The following SHISA6 variants were observed in gnomAD, a reference collection of about 807,000 sequenced individuals.
SHISA6 encodes shisa family member 6, also known as protein shisa-6.
SHISA6 carries 22 observed loss-of-function variants against 47.9 expected under a neutral mutation model. The ratio of observed to expected loss-of-function variants is 0.46; its 90% CI spans 0.33 to 0.66. The LOEUF is 0.66. SHISA6 is among the 30% of genes least tolerant of loss of function. The pLI is 0.02. For missense variants in SHISA6, 680 were observed against 764.6 expected, an observed-to-expected ratio of 0.89 and a Z score of 1.30; for synonymous variants, 388 against 337.8, an observed-to-expected ratio of 1.15 and a Z score of -1.63.
intron 3 of SHISA6, among the ~76,000 whole-genome samples, chr17:11,492,653 C>A (rs2071374304): frequency 6.6e-6 from 1 of 152,150 alleles, no homozygotes; most frequent in African/African-American, 2.4e-5. Flanking sequence ...CTACCCCTTC[C>A]TCCTTGCACG....
In SHISA6 at chr17:11,563,008, T is replaced by C. The variant is rs2072059616; in HGVS notation, c.*4704T>C. ...TTGTAAAGACACACCTAAACCATCC[T>C]AAGTGACTGTGGAATTCTGGGGAAT... is the stretch of plus-strand genomic sequence containing the variant. On this transcript the variant is annotated 3_prime_UTR_variant, in exon 6 of 6. Transcript: ENST00000441885. 1 of 150,520 alleles carries C rather than the reference T, an allele frequency of 6.6e-6. No individual in the cohort carries two copies. The highest frequency in any genetic ancestry group is 1.5e-5 in the Non-Finnish European group (1 of 68,074). 9.3% of individuals were successfully genotyped at this position (150,520 alleles called of 1,614,324 possible). A position where few individuals can be genotyped will look rare whatever the true frequency, so the allele number is the denominator to read the frequency against.
chr17:11,387,327 G>A (rs896482931), intron 3 of SHISA6, among the ~76,000 whole-genome samples: 13 of 152,180 alleles, frequency 8.5e-5, no homozygotes, highest in African/African-American at 2.9e-4. Context: ...AGGGGTGAGT[G>A]CATTGGAGCA....
At chr17:11,412,836 T>C (rs1914169368) in intron 3 of SHISA6, among the ~76,000 whole-genome samples, 1 of 152,182 alleles carries the variant, frequency 6.6e-6, no homozygotes, top group African/African-American at 2.4e-5. Context: ...TTCTTTCCTT[T>C]ACATGCTGGC....
chr17:11,303,775 A>C (rs78889640), intron 2 of SHISA6, among the ~76,000 whole-genome samples: 2,187 of 152,300 alleles, frequency 0.014, 50 homozygotes, highest in African/African-American at 0.05. Flanking sequence ...AAAGGTCATA[A>C]TAAAAGCTCG....
chr17:11,453,567 C>T (rs904407938), intron 3 of SHISA6, among the ~76,000 whole-genome samples: 2 of 152,326 alleles, frequency 1.3e-5, no homozygotes, highest in East Asian at 3.9e-4. Flanking sequence ...TTACCCATCA[C>T]AGAAAGTAGC....
chr17:11,413,574 CGGTTCTTCTCTCATGTGGCTATGCTT>C (rs1326378554), intron 3 of SHISA6, among the ~76,000 whole-genome samples: 3 of 152,244 alleles, frequency 2.0e-5, no homozygotes, highest in South Asian at 4.2e-4. Flanking sequence ...CTCAGCTGGC[CGGTTCTTCTCTCATGTGGCTATGCTT>C]GGTTCTTGGA....
At chr17:11,291,409 G>A (rs956161354) in intron 2 of SHISA6, among the ~76,000 whole-genome samples, 1 of 152,034 alleles carries the variant, frequency 6.6e-6, no homozygotes, top group African/African-American at 2.4e-5. Flanking sequence ...GCTGAGGCGG[G>A]CAGATCATGA....
At chr17:11,291,646 A>ACAT (rs1401295981) in intron 2 of SHISA6, among the ~76,000 whole-genome samples, 1 of 151,908 alleles carries the variant, frequency 6.6e-6, no homozygotes, top group African/African-American at 2.4e-5. Context: ...AACAACAACA[A>ACAT]CAACAACAAC....
intron 3 of SHISA6, among the ~76,000 whole-genome samples, chr17:11,517,894 C>G (rs868439085): frequency 2.1e-4 from 32 of 152,202 alleles, no homozygotes; most frequent in Middle Eastern, 3.4e-3. Context: ...CATCAATGGC[C>G]ACTCATTTGT....
intron 1 of SHISA6, among the ~76,000 whole-genome samples, chr17:11,252,883 C>T (rs1907867844): frequency 6.6e-6 from 1 of 152,216 alleles, no homozygotes; most frequent in African/African-American, 2.4e-5. Flanking sequence ...TGACTTTTTG[C>T]TGCATCTTGA....
At chr17:11,557,073 G>A (rs1161061330) in intron 5 of SHISA6, among the ~76,000 whole-genome samples, 1 of 152,234 alleles carries the variant, frequency 6.6e-6, no homozygotes, top group Non-Finnish European at 1.5e-5. Context: ...ATGGGCACAG[G>A]TGGAGTGTGT....
intron 3 of SHISA6, among the ~76,000 whole-genome samples, chr17:11,501,381 G>T (rs2142347157): frequency 6.6e-6 from 1 of 152,240 alleles, no homozygotes; most frequent in Admixed American, 6.5e-5. Flanking sequence ...CAAAGTGCTG[G>T]GATTACAGGT....
intron 2 of SHISA6, among the ~76,000 whole-genome samples, chr17:11,271,386 T>G (rs1908647745): frequency 6.6e-6 from 1 of 152,058 alleles, no homozygotes; most frequent in African/African-American, 2.4e-5. Flanking sequence ...GATGACAAAC[T>G]CGGGATTCAA....
At chr17:11,456,453 G>C (rs1915535841) in intron 3 of SHISA6, among the ~76,000 whole-genome samples, 3 of 152,156 alleles carry the variant, frequency 2.0e-5, no homozygotes, top group Admixed American at 2.0e-4. Flanking sequence ...CTGGGTATGA[G>C]CACAGCTAAG....
At chr17:11,486,035 T>C (rs1916339857) in intron 3 of SHISA6, among the ~76,000 whole-genome samples, 2 of 152,212 alleles carry the variant, frequency 1.3e-5, no homozygotes, top group African/African-American at 4.8e-5. Flanking sequence ...AAAACTGCTG[T>C]AAGAAGCAAA....
chr17:11,310,284 G>A (rs1990286), intron 2 of SHISA6, among the ~76,000 whole-genome samples: 40,442 of 152,162 alleles, frequency 0.27, 5,613 homozygotes, highest in South Asian at 0.32. Context: ...TTACATATGT[G>A]TCATAATACT....
At chr17:11,330,910 A>G (rs1355881094) in intron 2 of SHISA6, among the ~76,000 whole-genome samples, 1 of 152,220 alleles carries the variant, frequency 6.6e-6, no homozygotes, top group Non-Finnish European at 1.5e-5. Context: ...AAGACAAAGT[A>G]TCTCACGTAT....
chr17:11,432,578 G>A lies in SHISA6; in HGVS notation c.895+53069G>A, dbSNP rs149101803. Among the ~76,000 whole-genome samples, 365 of 152,262 alleles carry A rather than the reference G, an allele frequency of 2.4e-3. 4 individuals are homozygous for A. Among genetic ancestry groups the A allele is most frequent in the African/African-American group, 8.4e-3 (350 of 41,542 alleles). On this transcript the variant is annotated intron_variant, in intron 3 of 5. Transcript: ENST00000441885. Reference sequence around the variant, plus strand: ...GACCCTGCCTAACTTAAATAGAGAAGGAATTTATTGGGAGGACATAGAATA... The same window carrying A: ...GACCCTGCCTAACTTAAATAGAGAAAGAATTTATTGGGAGGACATAGAATA...
In SHISA6 at chr17:11,451,104, T is replaced by C. The variant is rs1247040054; in HGVS notation, c.895+71595T>C. ...TGGGGCTTCGGGAGAAGCTGGGAAA[T>C]GAGGAAGCTGACCCTGCTGGTCACT... On this transcript the variant is annotated intron_variant, in intron 3 of 5. Coordinates refer to ENST00000441885, the MANE Select transcript of SHISA6 (RefSeq NM_207386.4). 3.3e-5 allele frequency among the ~76,000 whole-genome samples: 5 copies of C among 150,948 alleles called. No individual in the cohort carries two copies. The East Asian group carries it at 9.7e-4, about 29-fold the overall frequency.
Sources: gnomAD v4.1 joint callset for allele counts (sites outside exome capture counted in the v4.1 genomes callset) on GRCh38, gnomAD v4.1.1 for gene constraint, MANE v1.5 for transcripts, NCBI Gene and HGNC (gene_info 2026-07-23, HGNC 2026-07-21) for gene names.